The following SOX5 variants were observed in gnomAD, a reference collection of about 807,000 sequenced individuals.
SOX5 encodes SRY-box transcription factor 5, also known as transcription factor SOX-5.
Under a neutral mutation model 92.0 loss-of-function variants are expected in SOX5, and 9 were observed. The observed-to-expected ratio is 0.10, with a 90% CI of 0.06 to 0.17. The LOEUF is 0.17. Among genes scored for constraint, SOX5 ranks in the 10% least tolerant of loss-of-function variants. SOX5 has a pLI of 1.00. For synonymous variants in SOX5, 344 were observed against 336.3 expected, an observed-to-expected ratio of 1.02 and a Z score of -0.25; for missense variants, 642 against 944.5, an observed-to-expected ratio of 0.68 and a Z score of 4.20.
intron 6 of SOX5, among the ~76,000 whole-genome samples, chr12:23,707,238 G>T (rs2091501098): frequency 6.6e-6 from 1 of 152,130 alleles, no homozygotes; most frequent in Non-Finnish European, 1.5e-5. Context: ...TGGCTGATTG[G>T]GAGATTTCTT....
At chr12:24,400,854 A>G (rs1253060566) in intron 1 of SOX5, among the ~76,000 whole-genome samples, 1 of 152,242 alleles carries the variant, frequency 6.6e-6, no homozygotes, top group Non-Finnish European at 1.5e-5. Flanking sequence ...AAAGTCTAAT[A>G]GGCAAATGAC....
chr12:24,450,885 T>C (rs1390006420), intron 1 of SOX5, among the ~76,000 whole-genome samples: 1 of 152,222 alleles, frequency 6.6e-6, no homozygotes, highest in African/African-American at 2.4e-5. Context: ...TGTTGTGCTC[T>C]CAAATGCTAA....
chr12:24,349,855 G>T (rs1212000336), intron 2 of SOX5, among the ~76,000 whole-genome samples: 1 of 152,162 alleles, frequency 6.6e-6, no homozygotes, highest in Non-Finnish European at 1.5e-5. Flanking sequence ...TTGAGGGACT[G>T]CTGTACTGTG....
At chr12:23,724,773 C>A (rs1390785213) in intron 6 of SOX5, among the ~76,000 whole-genome samples, 6 of 152,086 alleles carry the variant, frequency 3.9e-5, no homozygotes, top group Non-Finnish European at 8.8e-5. Flanking sequence ...AAAGAGTATT[C>A]CAGGCCATGA....
intron 2 of SOX5, among the ~76,000 whole-genome samples, chr12:24,324,546 CT>C (rs1256317421): frequency 1.3e-5 from 2 of 151,936 alleles, no homozygotes; most frequent in African/African-American, 4.8e-5. Flanking sequence ...GTTAACCGTA[CT>C]GACATTCTAC....
intron 4 of SOX5, among the ~76,000 whole-genome samples, chr12:24,035,848 A>C (rs1270142033): frequency 6.6e-6 from 1 of 152,044 alleles, no homozygotes; most frequent in Non-Finnish European, 1.5e-5. Flanking sequence ...GGCTAGAGAA[A>C]GTTTTACCCT....
chr12:24,276,008 T>A (rs1289323163), intron 3 of SOX5, among the ~76,000 whole-genome samples: 1 of 152,148 alleles, frequency 6.6e-6, no homozygotes, highest in Non-Finnish European at 1.5e-5. Context: ...AATTAAGATA[T>A]CACTGTCTTT....
intron 2 of SOX5, among the ~76,000 whole-genome samples, chr12:24,318,844 T>G (rs534041183): frequency 1.3e-5 from 2 of 151,864 alleles, no homozygotes; most frequent in Non-Finnish European, 2.9e-5. Flanking sequence ...TCAGTGAGAG[T>G]AGTATCATTT....
chr12:23,817,613 C>T (rs1432513954), intron 3 of SOX5, among the ~76,000 whole-genome samples: 1 of 152,144 alleles, frequency 6.6e-6, no homozygotes, highest in East Asian at 1.9e-4. Flanking sequence ...AGCAAATTGG[C>T]TAGACCAGTC....
At chr12:24,420,781 A>G (rs948201093) in intron 1 of SOX5, among the ~76,000 whole-genome samples, 3 of 152,170 alleles carry the variant, frequency 2.0e-5, no homozygotes, top group Non-Finnish European at 4.4e-5. Flanking sequence ...TTGATAACTA[A>G]TATTAAAAAA....
intron 6 of SOX5, among the ~76,000 whole-genome samples, chr12:23,708,635 A>C (rs894099870): frequency 6.6e-6 from 1 of 152,192 alleles, no homozygotes; most frequent in Non-Finnish European, 1.5e-5. Context: ...ACAGTTAGGT[A>C]GCTGTTGCAG....
intron 11 of SOX5, among the ~76,000 whole-genome samples, chr12:23,556,798 A>T (rs1440450445): frequency 6.6e-6 from 1 of 152,190 alleles, no homozygotes; most frequent in Non-Finnish European, 1.5e-5. Context: ...GTAATTCACA[A>T]TTCCTCACAG....
chr12:24,171,208 G>GTTTTTTTTTTT (rs1173228023), intron 4 of SOX5, among the ~76,000 whole-genome samples: 2 of 33,100 alleles, frequency 6.0e-5, no homozygotes, highest in Non-Finnish European at 1.1e-4. Flanking sequence ...TTGGCCAACA[G>GTTTTTTTTTTT]TTTTTTTTGT....
At chr12:23,913,779 T>C (rs983374638) in intron 1 of SOX5, among the ~76,000 whole-genome samples, 4 of 151,288 alleles carry the variant, frequency 2.6e-5, no homozygotes, top group East Asian at 1.9e-4. Context: ...ACTGAATAGA[T>C]TGACAATTCA....
At chr12:24,534,971 G>A (rs1951510418) in intron 1 of SOX5, among the ~76,000 whole-genome samples, 1 of 152,192 alleles carries the variant, frequency 6.6e-6, no homozygotes, top group South Asian at 2.1e-4. Context: ...TAAAATTCTG[G>A]GATGGAGTTC....
chr12:24,225,221 A>C (rs1318698130), intron 3 of SOX5, among the ~76,000 whole-genome samples: 1 of 152,176 alleles, frequency 6.6e-6, no homozygotes, highest in Non-Finnish European at 1.5e-5. Context: ...GAGAACATGA[A>C]TCTCTAGTTA....
chr12:23,623,624 C>T, intron 8 of SOX5, among the ~76,000 whole-genome samples: 1 of 152,120 alleles, frequency 6.6e-6, no homozygotes, highest in East Asian at 1.9e-4. Flanking sequence ...AATCAATTCT[C>T]AGAAGTTTTA....
intron 1 of SOX5, 21 bp from the exon 2 acceptor site, chr12:23,896,045 G>T: frequency 6.7e-7 from 1 of 1,493,820 alleles, no homozygotes; most frequent in Non-Finnish European, 9.3e-7. Flanking sequence ...CAAAAGAGGA[G>T]AAAATAATGA....
chr12:23,826,974 C>A (rs1296346778), intron 3 of SOX5, among the ~76,000 whole-genome samples: 1 of 152,186 alleles, frequency 6.6e-6, no homozygotes, highest in Non-Finnish European at 1.5e-5. Flanking sequence ...AATAAACAGA[C>A]ATGCTCAATT....
Sources: allele counts gnomAD v4.1 joint callset (sites outside exome capture counted in the v4.1 genomes callset), GRCh38; gene constraint gnomAD v4.1.1; transcripts MANE v1.5; gene names NCBI Gene and HGNC (gene_info 2026-07-23, HGNC 2026-07-21).